The following OR8B4 variants were observed in gnomAD, a reference collection of about 807,000 sequenced individuals.
The protein encoded by OR8B4 is olfactory receptor family 8 subfamily B member 4.
In OR8B4, 3 loss-of-function variants were observed where a neutral mutation model predicts 1.3. The observed-to-expected ratio is 2.37, with a 90% CI of 1.08 to 6.13. The LOEUF is 6.13. OR8B4 is among the 30% of genes most tolerant of loss of function. The pLI is 0.02. For missense variants in OR8B4, 360 were observed against 368.9 expected (o/e 0.98, Z 0.20); for synonymous variants, 139 against 144.2 (o/e 0.96, Z 0.26).
chr11:124,424,065 A>G lies in OR8B4; in HGVS notation c.807T>C (p.His269=), dbSNP rs372728748. The G allele has an allele frequency of 1.3e-5, 21 of 1,614,064 alleles. No homozygotes were observed. Among genetic ancestry groups the G allele is most frequent in the African/African-American group, 2.7e-5 (2 of 74,942 alleles). ...LTTSFPGSMN[H]GRFASVFYTN... ...TGTAAAAGACTGAGGCAAATCTGCC[A>G]TGGTTCATAGAGCCAGGAAAAGATG... is the stretch of plus-strand genomic sequence containing the variant. Residue 269 remains histidine, a synonymous_variant, in exon 1 of 1, where the codon CAT becomes CAC. Coordinates refer to ENST00000356130, the MANE Select transcript of OR8B4 (RefSeq NM_001005196.1).
At position 124,424,115 on chromosome 11, in the gene OR8B4, A is replaced by G. The variant is rs748921867; in HGVS notation, c.757T>C (p.Ser253Pro). The change falls in exon 1 of 1, where the codon TCA (serine) becomes CCA (proline). Residue 253 changes from serine (S) to proline (P), a missense_variant. Transcript: ENST00000356130. ...HIIAVALFFG[S>P]GTFTYLTTSF... The stretch of plus-strand genomic sequence containing the variant: ...GTTGTTAAGTAGGTGAATGTCCCTG[A>G]CCCAAAAAACAGAGCAACAGCAATT... The G allele has an allele frequency of 2.5e-6, 4 of 1,614,114 alleles. No homozygotes were observed. The highest frequency in any genetic ancestry group is 3.4e-6 in the Non-Finnish European group (4 of 1,180,040).
rs1378436648 is a variant in OR8B4, at chr11:124,423,951, C to A, written c.921G>T (p.Val307=). Residue 307 remains valine (V), a synonymous_variant, in exon 1 of 1, where the codon GTG becomes GTT. Coordinates refer to ENST00000356130, the MANE Select transcript of OR8B4 (RefSeq NM_001005196.1). ...KLALGKTLKR[V]LF ...GATATGAAGAGACCCATTAGAAGAG[C>A]ACTCTCTTCAGGGTTTTGCCCAGGG... is the stretch of plus-strand genomic sequence containing the variant. 3 of 1,603,930 alleles carry A rather than the reference C, an allele frequency of 1.9e-6. No homozygotes were observed. In the African/African-American group the frequency reaches 4.0e-5, roughly 21 times the overall value.
rs79770470 is a variant in OR8B4, at chr11:124,423,961, A to C, written c.911T>G (p.Leu304Arg). The C allele has an allele frequency of 4.8e-4, 779 of 1,613,464 alleles. 8 individuals carry two copies. In the East Asian group the frequency reaches 0.017, roughly 34 times the overall value. Residue 304 changes from leucine to arginine, a missense_variant, in exon 1 of 1, where the codon CTG becomes CGG. Leu to Arg is a moderately radical substitution (Grantham distance 102). Transcript: ENST00000356130. ...KDDKLALGKTLKRVLF is the reference protein window; with the variant it reads ...KDDKLALGKTRKRVLF ...GACCCATTAGAAGAGCACTCTCTTCAGGGTTTTGCCCAGGGCAAGTTTATC... is the reference window on the plus strand; with the variant it reads ...GACCCATTAGAAGAGCACTCTCTTCCGGGTTTTGCCCAGGGCAAGTTTATC...
rs766601010 is a variant in OR8B4, at chr11:124,424,190, G to A, written c.682C>T (p.Pro228Ser). 36 of 1,614,004 alleles carry A rather than the reference G, an allele frequency of 2.2e-5. No individual in the cohort carries two copies. In the South Asian group the frequency reaches 3.7e-4, roughly 17 times the overall value. ...GCTTTGGATCTGCCCTCTGCAGAAG[G>A]AATACAGAGGATGTTGGAGAGTATC... ...ALILSNILCIPSAEGRSKAFS... is the reference protein window; with the variant it reads ...ALILSNILCISSAEGRSKAFS... The change falls in exon 1 of 1, where the codon CCT becomes TCT. Residue 228 changes from proline (P) to serine (S), a missense_variant. Coordinates refer to ENST00000356130, the MANE Select transcript of OR8B4 (RefSeq NM_001005196.1).
chr11:124,424,246 G>T lies in OR8B4; in HGVS notation c.626C>A (p.Ser209Tyr), dbSNP rs377568949. 2.5e-6 allele frequency: 4 copies of T among 1,613,994 alleles called. No homozygotes were observed. The highest frequency in any genetic ancestry group is 2.5e-6 in the Non-Finnish European group (3 of 1,180,000). Residue 209 changes from serine to tyrosine, a missense_variant, in exon 1 of 1, where the codon TCC becomes TAC. Transcript: ENST00000356130. Reference protein sequence around the residue: ...FIVVGVITMLSSISIVISYAL... With the variant: ...FIVVGVITMLYSISIVISYAL... ...GTAAGAGATGACGATGCTTATGCTG[G>T]ATAGCATGGTGATTACTCCAACAAC... is the stretch of plus-strand genomic sequence containing the variant.
chr11:124,423,990 C>G lies in OR8B4; in HGVS notation c.882G>C (p.Lys294Asn), dbSNP rs140521123. The G allele has an allele frequency of 1.9e-6, 3 of 1,614,150 alleles. No homozygotes were observed. The highest frequency in any genetic ancestry group is 2.7e-5 in the African/African-American group (2 of 75,044). The change falls in exon 1 of 1, where the codon AAG (lysine) becomes AAC (asparagine). Residue 294 changes from lysine to asparagine, a missense_variant. Transcript: ENST00000356130. ...LNPSIYSLRN[K>N]DDKLALGKTL... The stretch of plus-strand genomic sequence containing the variant: ...TTTTGCCCAGGGCAAGTTTATCATC[C>G]TTATTCCTCAAACTGTAGATCGAAG...
At position 124,424,148 on chromosome 11, in the gene OR8B4, A is replaced by C. The variant is rs775515335; in HGVS notation, c.724T>G (p.Ser242Ala). Residue 242 changes from serine (S) to alanine (A), a missense_variant, in exon 1 of 1, where the codon TCC becomes GCC. Ser to Ala is a moderately conservative substitution (Grantham distance 99). Coordinates refer to ENST00000356130, the MANE Select transcript of OR8B4 (RefSeq NM_001005196.1). Reference protein sequence around the residue: ...GRSKAFSTWGSHIIAVALFFG... With the variant: ...GRSKAFSTWGAHIIAVALFFG... ...AACAGAGCAACAGCAATTATGTGGG[A>C]GCCCCATGTGCTAAAGGCTTTGGAT... 1 of 1,614,206 alleles carries C rather than the reference A, an allele frequency of 6.2e-7. No individual in the cohort carries two copies. Among genetic ancestry groups the C allele is most frequent in the South Asian group, 1.1e-5 (1 of 91,074 alleles).
chr11:124,424,702 G>T lies in OR8B4; in HGVS notation c.170C>A (p.Thr57Asn). The change falls in exon 1 of 1, where the codon ACC becomes AAC. Residue 57 changes from threonine (T) to asparagine (N), a missense_variant. Coordinates refer to ENST00000356130, the MANE Select transcript of OR8B4 (RefSeq NM_001005196.1). ...TLIGINPSLH[T>N]PMYFFLFNLS... ...GTTGAAGAGGAAAAAGTACATGGGG[G>T]TGTGAAGGCTAGGATTTATCCCAAT... 6.2e-7 allele frequency: 1 copy of T among 1,614,106 alleles called. No individual in the cohort carries two copies. Among genetic ancestry groups the T allele is most frequent in the Non-Finnish European group, 8.5e-7 (1 of 1,179,996 alleles).
chr11:124,424,075 G>C lies in OR8B4; in HGVS notation c.797C>G (p.Ser266Cys), dbSNP rs1861286043. The change falls in exon 1 of 1, where the codon TCT becomes TGT. Residue 266 changes from serine (S) to cysteine (C), a missense_variant. Transcript: ENST00000356130. ...FTYLTTSFPG[S>C]MNHGRFASVF... is the part of the protein sequence containing the mutation. ...TGAGGCAAATCTGCCATGGTTCATA[G>C]AGCCAGGAAAAGATGTTGTTAAGTA... 2 of 1,614,066 alleles carry C rather than the reference G, an allele frequency of 1.2e-6. No individual in the cohort carries two copies. The highest frequency in any genetic ancestry group is 1.7e-5 in the Admixed American group (1 of 60,000).
In OR8B4 at chr11:124,424,824, T is replaced by C. The variant is rs751647400; in HGVS notation, c.48A>G (p.Gly16=). The C allele has an allele frequency of 6.2e-7, 1 of 1,613,758 alleles. No homozygotes were observed. Among genetic ancestry groups the C allele is most frequent in the South Asian group, 1.1e-5 (1 of 91,072 alleles). The stretch of plus-strand genomic sequence containing the variant: ...GCTGGAGCTCTGGCTGTTCTGATAA[T>C]CCCACAAGGATAAACTCAGTCACTG... ...SSSVTEFILV[G]LSEQPELQLP... Residue 16 remains glycine, a synonymous_variant, in exon 1 of 1, where the codon GGA becomes GGG. Coordinates refer to ENST00000356130, the MANE Select transcript of OR8B4 (RefSeq NM_001005196.1).
rs772273607 is a variant in OR8B4 at position 124,424,446 on chromosome 11, C to G, written c.426G>C (p.Leu142=). Residue 142 remains leucine, a synonymous_variant, in exon 1 of 1, where the codon CTG becomes CTC. Coordinates refer to ENST00000356130, the MANE Select transcript of OR8B4 (RefSeq NM_001005196.1). The part of the protein sequence containing the change: ...MVTMSPRVCF[L]LMFGSYVVGF... Reference sequence around the variant, plus strand: ...CTACCACATAGGAACCAAACATCAGCAGAAAGCAGACCCTTGGGGACATGG... The same window carrying G: ...CTACCACATAGGAACCAAACATCAGGAGAAAGCAGACCCTTGGGGACATGG... 6.2e-6 allele frequency: 10 copies of G among 1,613,974 alleles called. No homozygotes were observed. Among genetic ancestry groups the G allele is most frequent in the African/African-American group, 1.3e-5 (1 of 74,898 alleles).
In OR8B4 at chr11:124,424,173, T is replaced by A. The variant is rs1861287215; in HGVS notation, c.699A>T (p.Arg233Ser). 1.2e-6 allele frequency: 2 copies of A among 1,614,194 alleles called. No individual in the cohort carries two copies. The highest frequency in any genetic ancestry group is 4.5e-5 in the East Asian group (2 of 44,884). The change falls in exon 1 of 1, where the codon AGA becomes AGT. Residue 233 changes from arginine to serine, a missense_variant. Arg to Ser is a moderately radical substitution (Grantham distance 110). Transcript: ENST00000356130. The stretch of plus-strand genomic sequence containing the variant: ...AGCCCCATGTGCTAAAGGCTTTGGA[T>A]CTGCCCTCTGCAGAAGGAATACAGA... ...NILCIPSAEG[R>S]SKAFSTWGSH...
chr11:124,424,767 A>T lies in OR8B4; in HGVS notation c.105T>A (p.Tyr35Ter). The change falls in exon 1 of 1, where the codon TAT (tyrosine) becomes TAA (stop). Residue 35 changes from tyrosine (Y) to a stop codon, truncating the protein, a stop_gained. Transcript: ENST00000356130. LOFTEE classifies it low-confidence loss of function (END_TRUNC). ...CCAAGTTGCCCACCACAGTGAACAC[A>T]TAGATCCCTAAGAATAGAAGGAAAA... is the stretch of plus-strand genomic sequence containing the variant. ...LPLFLLFLGIYVFTVVGNLGL... is the reference protein window; with the variant it reads ...LPLFLLFLGI 1 of 1,614,002 alleles carries T rather than the reference A, an allele frequency of 6.2e-7. No individual in the cohort carries two copies. Among genetic ancestry groups the T allele is most frequent in the South Asian group, 1.1e-5 (1 of 91,084 alleles).
chr11:124,424,297 T>G lies in OR8B4; in HGVS notation c.575A>C (p.His192Pro). Residue 192 changes from histidine (H) to proline (P), a missense_variant, in exon 1 of 1, where the codon CAT becomes CCT. His to Pro is a moderately conservative substitution (Grantham distance 77, BLOSUM62 -2). Coordinates refer to ENST00000356130, the MANE Select transcript of OR8B4 (RefSeq NM_001005196.1). ...AATGAAAAATACCAGCTCACTGACA[T>G]GGGTGCTGGTGCAGGAGAGCTGCAA... ...PLLQLSCTST[H>P]VSELVFFIVV... 6.2e-7 allele frequency: 1 copy of G among 1,613,686 alleles called. No homozygotes were observed.
Position 124,424,528 on chromosome 11 carries a change from A to G in OR8B4, c.344T>C (p.Val115Ala). ...CACATAGCGATCATAGGCCATTGAT[A>G]CCAACACATAGCACTCAGAATTGAC... is the stretch of plus-strand genomic sequence containing the variant. ...FFVNSECYVL[V>A]SMAYDRYVAI... The change falls in exon 1 of 1, where the codon GTA becomes GCA. Residue 115 changes from valine to alanine, a missense_variant. Physicochemically the swap from Val to Ala is moderately conservative, Grantham distance 64. Coordinates refer to ENST00000356130, the MANE Select transcript of OR8B4 (RefSeq NM_001005196.1). 6.2e-7 allele frequency: 1 copy of G among 1,614,142 alleles called. No individual in the cohort carries two copies. The highest frequency in any genetic ancestry group is 8.5e-7 in the Non-Finnish European group (1 of 1,180,004).
At position 124,424,474 on chromosome 11, in the gene OR8B4, AC is replaced by A; in HGVS notation, c.397del (p.Val133SerfsTer11). ...VAICNPLLYMVTMSPRVCFLL... is the reference protein window; with the variant it reads ...VAICNPLLYMXTMSPRVCFLL... ...AAAGCAGACCCTTGGGGACATGGTG[AC>A]CATGTAGAGCAGGGGGTTGCAGATG... On this transcript the variant is annotated frameshift_variant, in exon 1 of 1. Transcript: ENST00000356130. LOFTEE classifies it low-confidence loss of function (END_TRUNC). 1 of 1,614,160 alleles carries A rather than the reference AC, an allele frequency of 6.2e-7. No individual in the cohort carries two copies. Among genetic ancestry groups the A allele is most frequent in the Non-Finnish European group, 8.5e-7 (1 of 1,180,004 alleles).
Position 124,424,665 on chromosome 11 carries a change from T to A in OR8B4, c.207A>T (p.Ile69=). Residue 69 remains isoleucine (I), a synonymous_variant, in exon 1 of 1, where the codon ATA becomes ATT. Transcript: ENST00000356130. ...TAAACACACAGGAATAACAGAGATC[T>A]ATAAAGGACAAGTTGAAGAGGAAAA... ...MYFFLFNLSF[I]DLCYSCVFTP... 1 of 1,613,966 alleles carries A rather than the reference T, an allele frequency of 6.2e-7. No individual in the cohort carries two copies. Among genetic ancestry groups the A allele is most frequent in the Admixed American group, 1.7e-5 (1 of 60,006 alleles).
In OR8B4 at chr11:124,424,678, T is replaced by C; in HGVS notation, c.194A>G (p.Asn65Ser). 1 of 1,614,048 alleles carries C rather than the reference T, an allele frequency of 6.2e-7. No individual in the cohort carries two copies. Among genetic ancestry groups the C allele is most frequent in the Non-Finnish European group, 8.5e-7 (1 of 1,179,996 alleles). ...LHTPMYFFLF[N>S]LSFIDLCYSC... ...ATAACAGAGATCTATAAAGGACAAGTTGAAGAGGAAAAAGTACATGGGGGT... is the reference window on the plus strand; with the variant it reads ...ATAACAGAGATCTATAAAGGACAAGCTGAAGAGGAAAAAGTACATGGGGGT... The change falls in exon 1 of 1, where the codon AAC (asparagine) becomes AGC (serine). Residue 65 changes from asparagine (N) to serine (S), a missense_variant. Coordinates refer to ENST00000356130, the MANE Select transcript of OR8B4 (RefSeq NM_001005196.1).
Position 124,424,511 on chromosome 11 carries a change from G to A in OR8B4, c.361C>T (p.Arg121Cys), listed in dbSNP as rs371189371. The A allele has an allele frequency of 9.9e-6, 16 of 1,613,926 alleles. No individual in the cohort carries two copies. The highest frequency in any genetic ancestry group is 6.7e-5 in the African/African-American group (5 of 74,876). Residue 121 changes from arginine to cysteine, a missense_variant, in exon 1 of 1, where the codon CGC (arginine) becomes TGC (cysteine). Arg to Cys is a radical substitution (Grantham distance 180). Coordinates refer to ENST00000356130, the MANE Select transcript of OR8B4 (RefSeq NM_001005196.1). ...CYVLVSMAYD[R>C]YVAICNPLLY... The stretch of plus-strand genomic sequence containing the variant: ...AGGGGGTTGCAGATGGCCACATAGC[G>A]ATCATAGGCCATTGATACCAACACA...
Sources: allele counts gnomAD v4.1 joint callset, GRCh38; gene constraint gnomAD v4.1.1; transcripts MANE v1.5; gene names NCBI Gene and HGNC (gene_info 2026-07-23, HGNC 2026-07-21).